The following RINT1 variants were observed in gnomAD, a reference collection of about 807,000 sequenced individuals.
RINT1 encodes the protein RAD50 interactor 1.
A neutral mutation model predicts 97.7 loss-of-function variants in RINT1; 75 were observed. That is an observed-to-expected ratio of 0.77 (90% confidence interval 0.64 to 0.93). The LOEUF is 0.93. RINT1 is among the 40% of genes least tolerant of loss of function. The pLI, the probability that RINT1 is intolerant of heterozygous loss-of-function variation, is 0.00. For missense variants in RINT1, 892 were observed against 925.2 expected (o/e 0.96, Z 0.47); for synonymous variants, 303 against 326.3 (o/e 0.93, Z 0.77).
Position 105,542,666 on chromosome 7 carries a change from T to G in RINT1, c.515+17T>G. ...AGAACTAAGGTAAAATGGGCCTCTT[T>G]GTTCTCACAATTACTATTTTCCTTT... On this transcript the variant is annotated intron_variant, in intron 4 of 14. Transcript: ENST00000257700. 6.2e-7 allele frequency: 1 copy of G among 1,610,094 alleles called. No homozygotes were observed. The highest frequency in any genetic ancestry group is 8.5e-7 in the Non-Finnish European group (1 of 1,178,014).
At position 105,567,354 on chromosome 7, in the gene RINT1, A is replaced by G; in HGVS notation, c.*43A>G. The G allele has an allele frequency of 7.4e-7, 1 of 1,359,092 alleles. No homozygotes were observed. The highest frequency in any genetic ancestry group is 1.0e-6 in the Non-Finnish European group (1 of 970,800). The allele number at this position is 1,359,092 out of a possible 1,614,324, so 84.2% of individuals were successfully genotyped here. A position where few individuals can be genotyped will look rare whatever the true frequency, so the allele number is the denominator to read the frequency against. ...TTTCTTTGGTTTTTGTTTCTAAGAA[A>G]GAGGAAGCCAATTGGATTTCAAGTT... On this transcript the variant is annotated 3_prime_UTR_variant, in exon 15 of 15. Coordinates refer to ENST00000257700, the MANE Select transcript of RINT1 (RefSeq NM_021930.6).
At chr7:105,550,955 A>T (rs1790900238) in intron 9 of RINT1, among the ~76,000 whole-genome samples, 1 of 152,126 alleles carries the variant, frequency 6.6e-6, no homozygotes, top group South Asian at 2.1e-4. Context: ...GGGTTACAAC[A>T]TGTTGGCCAG....
At chr7:105,562,844 A>G (rs1267376599) in intron 11 of RINT1, among the ~76,000 whole-genome samples, 5 of 152,192 alleles carry the variant, frequency 3.3e-5, no homozygotes, top group African/African-American at 1.2e-4. Flanking sequence ...CGGAGACTGC[A>G]GTCAGCCAAG....
Position 105,550,185 on chromosome 7 carries a change from G to A in RINT1, c.1107+20G>A. On this transcript the variant is annotated intron_variant, in intron 8 of 14. Transcript: ENST00000257700. ...GCAAGGGTAAGAGACTCAGTCATAA[G>A]TGTTTCTGTTTTAGAACTGTATGTG... The A allele has an allele frequency of 6.2e-7, 1 of 1,606,024 alleles. No homozygotes were observed. The highest frequency in any genetic ancestry group is 1.1e-5 in the South Asian group (1 of 90,852).
At chr7:105,554,897 A>G (rs1791108189) in intron 10 of RINT1, 131 bp from the exon 11 acceptor site, 1 of 683,750 alleles carries the variant, frequency 1.5e-6, no homozygotes, top group Non-Finnish European at 2.5e-6. Context: ...AGAGCTCAGA[A>G]ATAAATCCAT....
At chr7:105,566,259 A>C (rs2133486849) in intron 14 of RINT1, 1 of 152,254 alleles carries the variant, frequency 6.6e-6, no homozygotes, top group East Asian at 1.9e-4. Flanking sequence ...AAAATTACAA[A>C]TATGTTTAAT....
chr7:105,544,179 T>G (rs936391836), intron 4 of RINT1, among the ~76,000 whole-genome samples: 3 of 152,140 alleles, frequency 2.0e-5, no homozygotes, highest in Admixed American at 2.0e-4. Context: ...TTAGAACATC[T>G]CATTCTTGTT....
At chr7:105,538,594 C>T (rs1790337047) in intron 3 of RINT1, among the ~76,000 whole-genome samples, 1 of 152,218 alleles carries the variant, frequency 6.6e-6, no homozygotes, top group Non-Finnish European at 1.5e-5. Context: ...ACCAGCAGTC[C>T]TTCCATGGGA....
chr7:105,539,355 CTTTTT>C (rs56362601), intron 3 of RINT1, among the ~76,000 whole-genome samples: 3 of 131,666 alleles, frequency 2.3e-5, no homozygotes, highest in South Asian at 2.4e-4. Context: ...CTTTCCCACT[CTTTTT>C]TTTTTTTTTT....
At chr7:105,533,295 T>C (rs1260661657) in intron 2 of RINT1, among the ~76,000 whole-genome samples, 1 of 152,148 alleles carries the variant, frequency 6.6e-6, no homozygotes, top group East Asian at 1.9e-4. Context: ...CTTCAGTAAA[T>C]TGGCAATTTA....
rs1334697104 is a variant in RINT1 at position 105,547,164 on chromosome 7, G to A, written c.690-20G>A. ...CATTTGGTGATGTACTGAAATGTAT[G>A]TGTTACTTTTCCATTGCAGTGATTT... On this transcript the variant is annotated intron_variant, in intron 5 of 14. Transcript: ENST00000257700. The A allele has an allele frequency of 1.9e-6, 3 of 1,613,920 alleles. No individual in the cohort carries two copies. Among genetic ancestry groups the A allele is most frequent in the Middle Eastern group, 1.6e-4 (1 of 6,062 alleles).
chr7:105,548,498 T>C lies in RINT1; in HGVS notation c.840-56T>C, dbSNP rs908714001. 7.9e-6 allele frequency: 12 copies of C among 1,527,330 alleles called. No homozygotes were observed. The Admixed American group carries it at 1.2e-4, about 15-fold the overall frequency. The allele number at this position is 1,527,330 out of a possible 1,614,324, so 94.6% of individuals were successfully genotyped here. ...TTTATTGTGTGTGTATACATACATA[T>C]GTGTGTGTATATTAGGTATGCTTTT... On this transcript the variant is annotated intron_variant, in intron 6 of 14. Coordinates refer to ENST00000257700, the MANE Select transcript of RINT1 (RefSeq NM_021930.6).
rs1790876780 is a variant in RINT1 at position 105,550,382 on chromosome 7, G to T, written c.1229G>T (p.Arg410Met). 3.1e-6 allele frequency: 5 copies of T among 1,614,096 alleles called. No individual in the cohort carries two copies. The South Asian group carries it at 5.5e-5, about 18-fold the overall frequency. Residue 410 changes from arginine to methionine, a missense_variant, in exon 9 of 15, where the codon AGG (arginine) becomes ATG (methionine). By Grantham distance (91) the Arg-to-Met change is moderately conservative. Transcript: ENST00000257700. The stretch of plus-strand genomic sequence containing the variant: ...GTGGATGAAGTACTCTTGTTTGAAA[G>T]GGAGCTACACAGTGTTCATGGCTAT... ...HLVDEVLLFE[R>M]ELHSVHGYPG...
intron 7 of RINT1, among the ~76,000 whole-genome samples, chr7:105,549,327 C>T (rs1023085549): frequency 5.9e-5 from 9 of 151,338 alleles, no homozygotes; most frequent in African/African-American, 9.7e-5. Flanking sequence ...ATAAGACATG[C>T]GTAGTTTTTG....
chr7:105,564,807 C>A (rs1015261251), intron 12 of RINT1, among the ~76,000 whole-genome samples: 2 of 152,040 alleles, frequency 1.3e-5, no homozygotes, highest in Admixed American at 1.3e-4. Context: ...TCGAAACTAG[C>A]CTGGCCAACA....
intron 4 of RINT1, among the ~76,000 whole-genome samples, chr7:105,543,667 C>T (rs1460672961): frequency 6.6e-6 from 1 of 152,022 alleles, no homozygotes; most frequent in Non-Finnish European, 1.5e-5. Context: ...GTCTTAATGT[C>T]CTGTTTCAAA....
chr7:105,544,484 G>C (rs568994499), intron 4 of RINT1, among the ~76,000 whole-genome samples: 134 of 151,184 alleles, frequency 8.9e-4, no homozygotes, highest in African/African-American at 3.1e-3. Flanking sequence ...GCCCAGGCTG[G>C]AGTGCAGTGG....
At chr7:105,549,439 C>T (rs1436399668) in intron 7 of RINT1, among the ~76,000 whole-genome samples, 2 of 151,894 alleles carry the variant, frequency 1.3e-5, no homozygotes, top group Non-Finnish European at 2.9e-5. Flanking sequence ...ACCTCTGCCT[C>T]CCGCGTTCAA....
At chr7:105,544,674 A>G (rs779566265) in intron 4 of RINT1, among the ~76,000 whole-genome samples, 23 of 152,210 alleles carry the variant, frequency 1.5e-4, no homozygotes, top group Admixed American at 1.3e-4. Flanking sequence ...ACCTCAAGTC[A>G]TCTGCCTGCC....
Sources: allele counts gnomAD v4.1 joint callset (sites outside exome capture counted in the v4.1 genomes callset), GRCh38; gene constraint gnomAD v4.1.1; transcripts MANE v1.5; gene names NCBI Gene and HGNC (gene_info 2026-07-23, HGNC 2026-07-21).